The following PRKN variants were observed in gnomAD, a reference collection of about 807,000 sequenced individuals.
PRKN encodes E3 ubiquitin-protein ligase parkin.
A neutral mutation model predicts 59.5 loss-of-function variants in PRKN; 56 were observed. That is an observed-to-expected ratio of 0.94 (90% CI 0.76 to 1.18). PRKN has a LOEUF of 1.18. Among genes scored for constraint, PRKN ranks in the 50% most tolerant of loss-of-function variants. The pLI is 0.00. For missense variants in PRKN, 657 were observed against 596.4 expected, an observed-to-expected ratio of 1.10 and a Z score of -1.06; for synonymous variants, 250 against 222.1, an observed-to-expected ratio of 1.13 and a Z score of -1.12.
chr6:161,694,244 GAA>G (rs904415221), intron 7 of PRKN, among the ~76,000 whole-genome samples: 4 of 151,832 alleles, frequency 2.6e-5, no homozygotes, highest in African/African-American at 9.7e-5. Context: ...ATAATAATAA[GAA>G]AAAAAGATTT....
chr6:162,260,187 C>A (rs1779827666), intron 3 of PRKN, among the ~76,000 whole-genome samples: 1 of 152,092 alleles, frequency 6.6e-6, no homozygotes, highest in Non-Finnish European at 1.5e-5. Context: ...TTGCCTGAGC[C>A]AGTCCCTAGC....
Position 162,464,828 on chromosome 6 carries a change from C to CA in PRKN, c.8-21356dup, listed in dbSNP as rs546662031. Among the ~76,000 whole-genome samples the CA allele has an allele frequency of 8.1e-3, 1,109 of 137,310 alleles. 11 individuals carry two copies. The highest frequency in any genetic ancestry group is 0.021 in the South Asian group (89 of 4,244). 90.1% of individuals were successfully genotyped at this position (137,310 alleles called of 152,430 possible). ...TGGGCAACAGAGTGAGATTCCGTCT[C>CA]AAAAAAAAAAGAAGAAGAAAAAAAG... On this transcript the variant is annotated intron_variant, in intron 1 of 11. Transcript: ENST00000366898.
chr6:162,370,305 G>A (rs1331006654), intron 2 of PRKN, among the ~76,000 whole-genome samples: 3 of 151,820 alleles, frequency 2.0e-5, no homozygotes, highest in Non-Finnish European at 2.9e-5. Flanking sequence ...TGACCCTTTC[G>A]AATTCAGAGA....
intron 7 of PRKN, among the ~76,000 whole-genome samples, chr6:161,634,841 T>C (rs1051869251): frequency 1.3e-5 from 2 of 152,220 alleles, no homozygotes; most frequent in African/African-American, 4.8e-5. Context: ...AAATACTTTT[T>C]CACAATTGAG....
chr6:161,472,014 AT>A (rs980278253), intron 9 of PRKN, among the ~76,000 whole-genome samples: 2 of 152,156 alleles, frequency 1.3e-5, no homozygotes, highest in Non-Finnish European at 2.9e-5. Flanking sequence ...CATTTGAAAA[AT>A]TTTTGAAAAA....
rs1785026059 is a variant in PRKN, at chr6:161,362,756, T to G, written c.1168-2551A>C. Among the ~76,000 whole-genome samples the G allele has an allele frequency of 6.6e-6, 1 of 152,218 alleles. No individual in the cohort carries two copies. Among genetic ancestry groups the G allele is most frequent in the Admixed American group, 6.5e-5 (1 of 15,272 alleles). On this transcript the variant is annotated intron_variant, in intron 10 of 11. Coordinates refer to ENST00000366898, the MANE Select transcript of PRKN (RefSeq NM_004562.3). This position sits in a 1 kb window ranked among gnomAD's most constrained non-coding sequence, Gnocchi z 5.2. ...CAGGCGGAAGCAAAAATATCTTTTG[T>G]GGAGCACAGCACTTTAAAAAGCCAA...
chr6:161,426,796 G>A (rs1419638244), intron 9 of PRKN, among the ~76,000 whole-genome samples: 7 of 152,036 alleles, frequency 4.6e-5, no homozygotes, highest in African/African-American at 1.2e-4. Flanking sequence ...TCGGCTCACT[G>A]CAAGCTCTGC....
intron 9 of PRKN, among the ~76,000 whole-genome samples, chr6:161,455,858 T>C (rs1234755398): frequency 7.6e-6 from 1 of 131,162 alleles, no homozygotes; most frequent in Non-Finnish European, 1.6e-5. Flanking sequence ...CAAGACTCCG[T>C]CTCAAAAAAA....
At chr6:162,259,253 C>T (rs1257542753) in intron 3 of PRKN, among the ~76,000 whole-genome samples, 3 of 152,148 alleles carry the variant, frequency 2.0e-5, no homozygotes, top group African/African-American at 4.8e-5. Context: ...CACCTCTCAC[C>T]GACCTGCCTC....
chr6:162,675,091 G>A (rs192849495), intron 1 of PRKN, among the ~76,000 whole-genome samples: 51 of 151,668 alleles, frequency 3.4e-4, no homozygotes, highest in Admixed American at 1.4e-3. Context: ...TCTGTTGCCC[G>A]GCTGGAGTGC....
chr6:162,020,794 C>T (rs889259959), intron 5 of PRKN, among the ~76,000 whole-genome samples: 1 of 151,956 alleles, frequency 6.6e-6, no homozygotes, highest in Non-Finnish European at 1.5e-5. Context: ...GAATAGCTCT[C>T]TTTGAATTTT....
At chr6:162,502,511 G>C (rs1306726312) in intron 1 of PRKN, among the ~76,000 whole-genome samples, 1 of 152,104 alleles carries the variant, frequency 6.6e-6, no homozygotes, top group East Asian at 1.9e-4. Flanking sequence ...CTAAAGGGCA[G>C]CATTACAACA....
intron 2 of PRKN, among the ~76,000 whole-genome samples, chr6:162,351,960 T>G (rs1455217914): frequency 6.6e-6 from 1 of 152,136 alleles, no homozygotes; most frequent in African/African-American, 2.4e-5. Flanking sequence ...GTACTTAACA[T>G]TAAATGCCAA....
chr6:162,120,179 T>G (rs1780846541), intron 4 of PRKN, among the ~76,000 whole-genome samples: 1 of 152,148 alleles, frequency 6.6e-6, no homozygotes, highest in African/African-American at 2.4e-5. Context: ...ATTTTTATAT[T>G]TTTTTGCAGA....
At chr6:162,084,993 GT>G (rs1779195990) in intron 4 of PRKN, among the ~76,000 whole-genome samples, 1 of 151,488 alleles carries the variant, frequency 6.6e-6, no homozygotes, top group African/African-American at 2.4e-5. Flanking sequence ...AAAGTGACAT[GT>G]TATTCCATTA....
chr6:161,938,502 T>G (rs1260016972), intron 6 of PRKN, among the ~76,000 whole-genome samples: 3 of 152,218 alleles, frequency 2.0e-5, no homozygotes, highest in Admixed American at 1.3e-4. Flanking sequence ...ATATAGTAAA[T>G]TAACAGTCCT....
intron 2 of PRKN, among the ~76,000 whole-genome samples, chr6:162,292,732 C>T (rs545617873): frequency 2.0e-5 from 3 of 152,234 alleles, no homozygotes; most frequent in African/African-American, 7.2e-5. Flanking sequence ...CTTCCTTAGA[C>T]CCACCAGGAT....
chr6:162,725,222 G>T (rs2128241492), intron 1 of PRKN, among the ~76,000 whole-genome samples: 1 of 152,306 alleles, frequency 6.6e-6, no homozygotes. Context: ...GAAAGCATAG[G>T]CCTGAAAGGA....
chr6:161,537,984 G>A (rs1779488999), intron 9 of PRKN, among the ~76,000 whole-genome samples: 1 of 152,130 alleles, frequency 6.6e-6, no homozygotes, highest in Non-Finnish European at 1.5e-5. Context: ...CCTGAACTCT[G>A]GTCAATAACC....
Sources: gnomAD v4.1 joint callset for allele counts (sites outside exome capture counted in the v4.1 genomes callset) on GRCh38, gnomAD v4.1.1 for gene constraint, Gnocchi (gnomAD v3.1) non-coding constraint, MANE v1.5 for transcripts, NCBI Gene and HGNC (gene_info 2026-07-23, HGNC 2026-07-21) for gene names.